NBEA: variants seen among roughly 807,000 people sequenced by gnomAD.
NBEA encodes the protein neurobeachin, also known as lysosomal-trafficking regulator 2.
In NBEA, 44 loss-of-function variants were observed where a neutral mutation model predicts 343.4. That is an observed-to-expected ratio of 0.13 (90% confidence interval 0.10 to 0.16). The LOEUF is 0.16. Among genes scored for constraint, NBEA ranks in the 10% least tolerant of loss-of-function variants. The probability of loss-of-function intolerance (pLI) is 1.00; values close to 1 mark genes in which losing one functional copy is unlikely to be tolerated. For synonymous variants in NBEA, 1,175 were observed against 1,238.7 expected (o/e 0.95, Z 1.08); for missense variants, 2,555 against 3,631.3 (o/e 0.70, Z 7.62).
chr13:35,643,857 A>T (rs2084087226), intron 49 of NBEA, among the ~76,000 whole-genome samples: 1 of 152,048 alleles, frequency 6.6e-6, no homozygotes, highest in South Asian at 2.1e-4. Context: ...TCACCAGGCA[A>T]CCCTCCCATT....
chr13:35,528,808 T>C (rs1358887083), intron 41 of NBEA, among the ~76,000 whole-genome samples: 1 of 152,220 alleles, frequency 6.6e-6, no homozygotes, highest in Non-Finnish European at 1.5e-5. Flanking sequence ...AGTCATATCT[T>C]CTTATGTTCA....
intron 34 of NBEA, among the ~76,000 whole-genome samples, chr13:35,260,400 G>T (rs192805656): frequency 2.0e-5 from 3 of 152,174 alleles, no homozygotes; most frequent in Non-Finnish European, 4.4e-5. Flanking sequence ...ATATGAATAA[G>T]CAGTTTTTAT....
At chr13:34,978,664 A>G (rs978997501) in intron 1 of NBEA, among the ~76,000 whole-genome samples, 13 of 152,112 alleles carry the variant, frequency 8.5e-5, no homozygotes, top group African/African-American at 2.6e-4. Context: ...TTTTCCCACC[A>G]TAGATTAGTA....
At chr13:35,489,072 A>G (rs1336074539) in intron 41 of NBEA, among the ~76,000 whole-genome samples, 2 of 150,660 alleles carry the variant, frequency 1.3e-5, no homozygotes, top group East Asian at 2.0e-4. Context: ...GCATGTTTTT[A>G]TTTGCCAAGT....
chr13:34,980,380 C>T (rs978105395), intron 1 of NBEA, among the ~76,000 whole-genome samples: 11 of 151,572 alleles, frequency 7.3e-5, no homozygotes, highest in Non-Finnish European at 5.9e-5. Context: ...AAAATTTCTT[C>T]CAGCAATGTT....
intron 1 of NBEA, among the ~76,000 whole-genome samples, chr13:35,015,742 G>A (rs1006370633): frequency 2.0e-4 from 31 of 151,876 alleles, no homozygotes; most frequent in Admixed American, 9.8e-4. Context: ...ATTTTAAAAC[G>A]TCTAGAAACA....
intron 40 of NBEA, among the ~76,000 whole-genome samples, chr13:35,454,752 C>T (rs566775928): frequency 7.9e-5 from 12 of 151,948 alleles, no homozygotes; most frequent in African/African-American, 2.7e-4. Context: ...CCCAGCTACT[C>T]GGGAGGCTGA....
rs1365955891 is a variant in NBEA, at chr13:35,583,895, T to A, written c.7036-3T>A. 6.2e-7 allele frequency: 1 copy of A among 1,603,098 alleles called. No individual in the cohort carries two copies. Among genetic ancestry groups the A allele is most frequent in the African/African-American group, 1.3e-5 (1 of 74,184 alleles). Reference sequence around the variant, plus strand: ...AAACAAAATATTTTTTTTCTTTTAATAGCCAATTGGTGCTTTGAACCCCAA... The same window carrying A: ...AAACAAAATATTTTTTTTCTTTTAAAAGCCAATTGGTGCTTTGAACCCCAA... On this transcript the variant is annotated splice_polypyrimidine_tract_variant and splice_region_variant and intron_variant, in intron 45 of 58. Transcript: ENST00000379939.
chr13:35,358,585 G>A (rs924566828), intron 38 of NBEA, among the ~76,000 whole-genome samples: 1 of 151,858 alleles, frequency 6.6e-6, no homozygotes, highest in Non-Finnish European at 1.5e-5. Context: ...GGGCATGGTG[G>A]CGTGTGCCTG....
At chr13:35,650,656 C>T (rs550115809) in intron 52 of NBEA, among the ~76,000 whole-genome samples, 115 of 152,192 alleles carry the variant, frequency 7.6e-4, no homozygotes, top group Admixed American at 4.7e-3. Flanking sequence ...GAGCTGAGAT[C>T]GCGCCACTGC....
intron 17 of NBEA, among the ~76,000 whole-genome samples, chr13:35,123,984 C>T (rs1334073224): frequency 6.6e-6 from 1 of 152,030 alleles, no homozygotes; most frequent in Non-Finnish European, 1.5e-5. Context: ...TTATTAGTTT[C>T]TAACAGTAGG....
intron 31 of NBEA, among the ~76,000 whole-genome samples, chr13:35,203,075 C>T (rs145853903): frequency 1.3e-5 from 2 of 152,290 alleles, no homozygotes; most frequent in Non-Finnish European, 2.9e-5. Flanking sequence ...CCATTCTCCA[C>T]AGTAACCATT....
At chr13:35,128,476 T>C (rs1216972799) in intron 17 of NBEA, among the ~76,000 whole-genome samples, 9 of 152,104 alleles carry the variant, frequency 5.9e-5, no homozygotes, top group African/African-American at 9.7e-5. Flanking sequence ...ATGGGATAAA[T>C]CTTTTTGACC....
chr13:34,943,647 A>G (rs2059100738), intron 1 of NBEA, among the ~76,000 whole-genome samples: 1 of 152,184 alleles, frequency 6.6e-6, no homozygotes, highest in Non-Finnish European at 1.5e-5. Context: ...CTGTCTTTAA[A>G]TATTCCAAGG....
At chr13:35,084,635 G>A (rs1297253341) in intron 10 of NBEA, among the ~76,000 whole-genome samples, 1 of 152,140 alleles carries the variant, frequency 6.6e-6, no homozygotes, top group Non-Finnish European at 1.5e-5. Context: ...AAGCAGGAAA[G>A]ATCTAAAATT....
At chr13:35,540,239 G>A (rs2078758943) in intron 41 of NBEA, among the ~76,000 whole-genome samples, 1 of 151,778 alleles carries the variant, frequency 6.6e-6, no homozygotes, top group Admixed American at 6.6e-5. Context: ...TGAAACAGAA[G>A]AAAATAAATA....
chr13:35,428,963 CTCT>C (rs2044905062), intron 38 of NBEA, among the ~76,000 whole-genome samples: 1 of 152,140 alleles, frequency 6.6e-6, no homozygotes, highest in Non-Finnish European at 1.5e-5. Context: ...GAGTCGGAGG[CTCT>C]TCTTTACTGC....
At chr13:35,416,039 T>A (rs2152920255) in intron 38 of NBEA, among the ~76,000 whole-genome samples, 1 of 152,276 alleles carries the variant, frequency 6.6e-6, no homozygotes, top group East Asian at 1.9e-4. Flanking sequence ...CCTGTTTGTT[T>A]GTTATTGGTG....
At chr13:35,647,628 G>A (rs12583971) in intron 51 of NBEA, among the ~76,000 whole-genome samples, 9,320 of 152,118 alleles carry the variant, frequency 0.061, 414 homozygotes, top group East Asian at 0.21. Flanking sequence ...GTGCAGTGGC[G>A]CAATCTCAGC....
Sources: allele counts gnomAD v4.1 joint callset (sites outside exome capture counted in the v4.1 genomes callset), GRCh38; gene constraint gnomAD v4.1.1; transcripts MANE v1.5; gene names NCBI Gene and HGNC (gene_info 2026-07-23, HGNC 2026-07-21).